Variants in MCF2L observed in about 807,000 individuals in gnomAD.
MCF2L encodes guanine nucleotide exchange factor DBS.
A neutral mutation model predicts 153.4 loss-of-function variants in MCF2L; 97 were observed. That is an observed-to-expected ratio of 0.63 (90% CI 0.54 to 0.75). The LOEUF (loss-of-function observed/expected upper bound fraction) is 0.75. Ranked by LOEUF, MCF2L falls within the 30% of genes least tolerant of loss-of-function variation. The pLI is 0.00. For synonymous variants in MCF2L, 659 were observed against 632.2 expected (o/e 1.04, Z -0.64); for missense variants, 1,347 against 1,495.2 (o/e 0.90, Z 1.64).
At position 113,095,052 on chromosome 13, in the gene MCF2L, C is replaced by G. The variant is rs368813186; in HGVS notation, c.3075+417C>G. On this transcript the variant is annotated intron_variant, in intron 27 of 29. Coordinates refer to ENST00000535094, the MANE Select transcript of MCF2L (RefSeq NM_001112732.3). ...GTCCCCACCCCCCTACCCTTTATGT[C>G]ATAGAATGCTGTCACTGAGCCTTCC... is the stretch of plus-strand genomic sequence containing the variant. 1.2e-5 allele frequency: 17 copies of G among 1,370,252 alleles called. No homozygotes were observed. In the Admixed American group the frequency reaches 3.0e-4, roughly 24 times the overall value. 84.9% of individuals were successfully genotyped at this position (1,370,252 alleles called of 1,614,324 possible). A position where few individuals can be genotyped will look rare whatever the true frequency, so the allele number is the denominator to read the frequency against.
intron 1 of MCF2L, among the ~76,000 whole-genome samples, chr13:112,989,172 G>A (rs1566697012): frequency 9.4e-6 from 1 of 106,576 alleles, no homozygotes; most frequent in East Asian, 2.7e-4. Context: ...AGGGGATGGA[G>A]CTACCACACC....
Position 112,981,821 on chromosome 13 carries a change from G to T in MCF2L, c.79+12363G>T, listed in dbSNP as rs552133201. On this transcript the variant is annotated intron_variant, in intron 1 of 29. Coordinates refer to ENST00000535094, the MANE Select transcript of MCF2L (RefSeq NM_001112732.3). ...CCAGCGTGACCCACCTGGCATGGAC[G>T]CCTGGGGACTGAGCCTTGTCCGGCC... Among the ~76,000 whole-genome samples the T allele has an allele frequency of 9.8e-5, 15 of 152,346 alleles. No individual in the cohort carries two copies. The South Asian group carries it at 2.7e-3, about 27-fold the overall frequency.
intron 13 of MCF2L, among the ~76,000 whole-genome samples, chr13:113,077,514 C>T (rs1018775419): frequency 6.6e-6 from 1 of 152,222 alleles, no homozygotes; most frequent in Non-Finnish European, 1.5e-5. Flanking sequence ...GTGAAGCCCA[C>T]GTGGCCCAAA....
chr13:113,078,686 G>A lies in MCF2L; in HGVS notation c.1755G>A (p.Arg585=). 6.2e-7 allele frequency: 1 copy of A among 1,611,740 alleles called. No homozygotes were observed. The highest frequency in any genetic ancestry group is 8.5e-7 in the Non-Finnish European group (1 of 1,179,752). ...RRAKSEMSES[R]QGRGSAGEEE... Reference sequence around the variant, plus strand: ...CCCAGAGTGAGATGAGTGAGAGCCGGCAGGGCCGCGGCTCAGCGGGGGAGG... The same window carrying A: ...CCCAGAGTGAGATGAGTGAGAGCCGACAGGGCCGCGGCTCAGCGGGGGAGG... The change falls in exon 15 of 30, where the codon CGG becomes CGA. Residue 585 remains arginine, a synonymous_variant. Transcript: ENST00000535094.
At chr13:112,978,581 G>T (rs1369434769) in intron 1 of MCF2L, among the ~76,000 whole-genome samples, 1 of 152,216 alleles carries the variant, frequency 6.6e-6, no homozygotes, top group Non-Finnish European at 1.5e-5. Flanking sequence ...CCAGTGGGAG[G>T]ACATGGTAGG....
chr13:113,083,370 T>C (rs766872787), intron 17 of MCF2L, among the ~76,000 whole-genome samples: 2 of 152,206 alleles, frequency 1.3e-5, no homozygotes, highest in African/African-American at 2.4e-5. Context: ...AGGTCTGCAG[T>C]TGACCACCAA....
intron 2 of MCF2L, among the ~76,000 whole-genome samples, chr13:112,954,393 C>G (rs946621426): frequency 1.3e-5 from 2 of 152,160 alleles, no homozygotes; most frequent in African/African-American, 4.8e-5. Flanking sequence ...GGCAGCACCC[C>G]CGGCTTCTGC....
chr13:112,962,499 CA>C (rs1349581884), intron 2 of MCF2L, among the ~76,000 whole-genome samples: 1 of 152,218 alleles, frequency 6.6e-6, no homozygotes, highest in Non-Finnish European at 1.5e-5. Flanking sequence ...CTAGCCGACC[CA>C]GTTGGTGGCC....
At chr13:112,947,339 C>T (rs763782663) in intron 2 of MCF2L, among the ~76,000 whole-genome samples, 4 of 152,140 alleles carry the variant, frequency 2.6e-5, no homozygotes, top group Non-Finnish European at 4.4e-5. Context: ...ATCTCAATAC[C>T]CCAAAAGTCT....
intron 1 of MCF2L, among the ~76,000 whole-genome samples, chr13:112,978,872 G>C (rs912959226): frequency 1.1e-4 from 16 of 152,218 alleles, no homozygotes; most frequent in Non-Finnish European, 1.9e-4. Context: ...CACATCAGCT[G>C]TGAGGCCTGG....
At chr13:112,903,620 G>A (rs577656575) in intron 2 of MCF2L, among the ~76,000 whole-genome samples, 2 of 152,328 alleles carry the variant, frequency 1.3e-5, no homozygotes, top group South Asian at 4.1e-4. Flanking sequence ...TGGCTGGGGG[G>A]CTGCGTTTCG....
chr13:113,064,683 T>A lies in MCF2L; in HGVS notation c.607-253T>A. Reference sequence around the variant, plus strand: ...TTGCGTTGTGGTTTGCAACACTCACTGCTCTCAACGGGGAGAGGCAGCGCA... The same window carrying A: ...TTGCGTTGTGGTTTGCAACACTCACAGCTCTCAACGGGGAGAGGCAGCGCA... On this transcript the variant is annotated intron_variant, in intron 6 of 29. Transcript: ENST00000535094. This position sits in a 1 kb window ranked among gnomAD's most constrained non-coding sequence, Gnocchi z 6.0. 3 of 576,610 alleles carry A rather than the reference T, an allele frequency of 5.2e-6. No individual in the cohort carries two copies. The highest frequency in any genetic ancestry group is 9.2e-6 in the Non-Finnish European group (3 of 325,242). The allele number at this position is 576,610 out of a possible 1,614,324, so 35.7% of individuals were successfully genotyped here. A position where few individuals can be genotyped will look rare whatever the true frequency, so the allele number is the denominator to read the frequency against.
rs1594940253 is a variant in MCF2L at position 113,075,160 on chromosome 13, T to A, written c.1279T>A (p.Ser427Thr). 6.2e-7 allele frequency: 1 copy of A among 1,605,548 alleles called. No homozygotes were observed. ...AAGGAGGAGGGGGCTGCTCAGCAAGTCCCTGGAGCTGCACCGCCGCCTGGA... is the reference window on the plus strand; with the variant it reads ...AAGGAGGAGGGGGCTGCTCAGCAAGACCCTGGAGCTGCACCGCCGCCTGGA... ...IARRRGLLSK[S>T]LELHRRLETS... is the part of the protein sequence containing the mutation. The change falls in exon 11 of 30, where the codon TCC (serine) becomes ACC (threonine). Residue 427 changes from serine (S) to threonine (T), a missense_variant. Ser to Thr is a moderately conservative substitution (Grantham distance 58). Around this residue, in one of 3 missense-constraint regions of MCF2L, gnomAD observed 820 missense variants for 921.2 expected, o/e 0.89. Transcript: ENST00000535094.
chr13:113,059,257 C>T (rs895312844), intron 4 of MCF2L, among the ~76,000 whole-genome samples: 4 of 152,190 alleles, frequency 2.6e-5, no homozygotes, highest in African/African-American at 9.7e-5. Flanking sequence ...ACTTGGCCCA[C>T]GCCCCACGCG....
In MCF2L at chr13:113,096,447, T is replaced by TG. The variant is rs769795828; in HGVS notation, c.3154dup (p.Val1052GlyfsTer201). ...GCGCTGCGCGTGAGGAGCGGGGACG[T>TG]GGTGGAGCTGGTGCAGGAGGGCGAC... On this transcript the variant is annotated frameshift_variant, in exon 28 of 30. Transcript: ENST00000535094. LOFTEE classifies it high-confidence loss of function. The TG allele has an allele frequency of 6.3e-7, 1 of 1,593,198 alleles. No homozygotes were observed. Among genetic ancestry groups the TG allele is most frequent in the Admixed American group, 1.7e-5 (1 of 57,478 alleles).
intron 3 of MCF2L, among the ~76,000 whole-genome samples, chr13:113,030,673 G>A (rs1409783308): frequency 1.3e-5 from 2 of 152,232 alleles, no homozygotes; most frequent in African/African-American, 2.4e-5. Context: ...CAGAGGGCAG[G>A]TTCGGATCTC....
At chr13:113,018,688 C>T (rs1186489652) in intron 2 of MCF2L, among the ~76,000 whole-genome samples, 1 of 152,118 alleles carries the variant, frequency 6.6e-6, no homozygotes, top group Non-Finnish European at 1.5e-5. Context: ...AAAAACAGGG[C>T]GGGAGAATTT....
intron 16 of MCF2L, 40 bp from the exon 17 acceptor site, chr13:113,082,387 A>C: frequency 8.1e-7 from 1 of 1,237,544 alleles, no homozygotes; most frequent in Non-Finnish European, 1.2e-6. Flanking sequence ...CCACAGCATC[A>C]GGCCCAGGAC....
In MCF2L at chr13:113,074,511, C is replaced by A. The variant is rs555485471; in HGVS notation, c.1064C>A (p.Ala355Glu). The change falls in exon 10 of 30, where the codon GCG (alanine) becomes GAG (glutamate). Residue 355 changes from alanine (A) to glutamate (E), a missense_variant. Ala to Glu is a moderately radical substitution (Grantham distance 107). Around this residue, in one of 3 missense-constraint regions of MCF2L, gnomAD observed 820 missense variants for 921.2 expected, o/e 0.89. Transcript: ENST00000535094. The surrounding 1 kb of genome is among the most constrained non-coding windows in gnomAD (Gnocchi z 4.2). ...TTCACAGACATCGGCAACAGCCTGG[C>A]GCATGTGGAGCACCTGCTGAGGGAC... The part of the protein sequence containing the change: ...ATFTDIGNSL[A>E]HVEHLLRDLA... 2 of 1,614,070 alleles carry A rather than the reference C, an allele frequency of 1.2e-6. No homozygotes were observed. Among genetic ancestry groups the A allele is most frequent in the South Asian group, 2.2e-5 (2 of 91,090 alleles).
Sources: gnomAD v4.1 joint callset for allele counts (sites outside exome capture counted in the v4.1 genomes callset) on GRCh38, gnomAD v4.1.1 for gene constraint, gnomAD v4.1.1 regional missense constraint, Gnocchi (gnomAD v3.1) non-coding constraint, MANE v1.5 for transcripts, NCBI Gene and HGNC (gene_info 2026-07-23, HGNC 2026-07-21) for gene names.